Variants in ZNF385D observed in about 807,000 individuals in gnomAD.
ZNF385D encodes zinc finger protein 659.
In ZNF385D, 15 loss-of-function variants were observed where a neutral mutation model predicts 35.8. That is an observed-to-expected ratio of 0.42 (90% CI 0.28 to 0.64). The LOEUF is 0.64. ZNF385D is among the 30% of genes least tolerant of loss of function. ZNF385D has a pLI of 0.23. For missense variants in ZNF385D, 474 were observed against 494.6 expected, an observed-to-expected ratio of 0.96 and a Z score of 0.39; for synonymous variants, 212 against 186.8, an observed-to-expected ratio of 1.13 and a Z score of -1.10.
At chr3:21,807,449 C>A (rs1023623125) in intron 3 of ZNF385D, among the ~76,000 whole-genome samples, 1 of 151,980 alleles carries the variant, frequency 6.6e-6, no homozygotes, top group Non-Finnish European at 1.5e-5. Context: ...TGATTTGACT[C>A]GCCAAGTTTA....
chr3:21,977,586 T>G (rs1162279063), intron 3 of ZNF385D, among the ~76,000 whole-genome samples: 5 of 152,006 alleles, frequency 3.3e-5, no homozygotes, highest in African/African-American at 1.2e-4. Flanking sequence ...TTGGAGGCCA[T>G]AGTGGGAAGA....
chr3:21,804,198 A>T (rs2072533385), intron 3 of ZNF385D, among the ~76,000 whole-genome samples: 1 of 152,238 alleles, frequency 6.6e-6, no homozygotes, highest in African/African-American at 2.4e-5. Context: ...AACATATTTT[A>T]TGTGGTTGTT....
intron 3 of ZNF385D, among the ~76,000 whole-genome samples, chr3:22,085,917 T>A (rs1047176102): frequency 1.9e-4 from 29 of 152,272 alleles, no homozygotes; most frequent in Middle Eastern, 6.8e-3. Flanking sequence ...AATCAATAAA[T>A]GAAATCCATC....
intron 3 of ZNF385D, among the ~76,000 whole-genome samples, chr3:22,118,077 C>G: frequency 6.6e-6 from 1 of 152,070 alleles, no homozygotes; most frequent in Non-Finnish European, 1.5e-5. Context: ...TGCAGAATAT[C>G]GCTTTTATGA....
At chr3:22,290,552 G>A (rs961841753) in intron 2 of ZNF385D, among the ~76,000 whole-genome samples, 1 of 152,134 alleles carries the variant, frequency 6.6e-6, no homozygotes, top group Non-Finnish European at 1.5e-5. Flanking sequence ...CGGATGCCCA[G>A]GGCAGTGGCA....
chr3:22,068,228 A>G (rs1440756139), intron 3 of ZNF385D, among the ~76,000 whole-genome samples: 2 of 152,190 alleles, frequency 1.3e-5, no homozygotes, highest in African/African-American at 4.8e-5. Context: ...CAGTTGTACT[A>G]TCACTAGACA....
intron 2 of ZNF385D, among the ~76,000 whole-genome samples, chr3:22,286,799 G>T (rs1300773212): frequency 6.6e-6 from 1 of 152,014 alleles, no homozygotes; most frequent in Non-Finnish European, 1.5e-5. Context: ...CTTAACATAT[G>T]ATCTTTTCTG....
chr3:21,774,089 T>C (rs1169689326), intron 3 of ZNF385D, among the ~76,000 whole-genome samples: 3 of 151,938 alleles, frequency 2.0e-5, no homozygotes, highest in Non-Finnish European at 4.4e-5. Context: ...CTATACAGCC[T>C]TAAAAAGGAA....
chr3:21,645,714 C>T (rs1040491904), intron 2 of ZNF385D, among the ~76,000 whole-genome samples: 11 of 152,144 alleles, frequency 7.2e-5, no homozygotes, highest in Non-Finnish European at 1.5e-4. Context: ...TTCCTGCCAA[C>T]AGTCCCTGTG....
intron 2 of ZNF385D, among the ~76,000 whole-genome samples, chr3:22,215,972 A>G (rs896599953): frequency 6.6e-6 from 1 of 151,998 alleles, no homozygotes; most frequent in African/African-American, 2.4e-5. Context: ...TTCGTCCAAC[A>G]TCTGGCTGAA....
chr3:21,518,117 C>T (rs1707691052), intron 3 of ZNF385D, among the ~76,000 whole-genome samples: 1 of 152,156 alleles, frequency 6.6e-6, no homozygotes, highest in Non-Finnish European at 1.5e-5. Flanking sequence ...TTTCTTTTGG[C>T]ACTTCTTGCT....
At chr3:22,215,946 A>G (rs910384432) in intron 2 of ZNF385D, among the ~76,000 whole-genome samples, 37 of 151,956 alleles carry the variant, frequency 2.4e-4, no homozygotes, top group African/African-American at 8.0e-4. Context: ...ACGTATGTGA[A>G]ATATCGGGGG....
intron 3 of ZNF385D, among the ~76,000 whole-genome samples, chr3:21,814,524 G>C (rs1279481093): frequency 6.6e-6 from 1 of 152,120 alleles, no homozygotes; most frequent in East Asian, 1.9e-4. Flanking sequence ...AAAAGCAGGG[G>C]TGGCAATCCT....
intron 3 of ZNF385D, chr3:21,979,792 G>C (rs1694316519): frequency 2.0e-5 from 3 of 150,268 alleles, no homozygotes; most frequent in South Asian, 2.1e-4. Context: ...AAAAATATGG[G>C]TCTTGCCTTC....
At chr3:22,371,226 TC>T (rs1696890026) in intron 2 of ZNF385D, among the ~76,000 whole-genome samples, 1 of 152,114 alleles carries the variant, frequency 6.6e-6, no homozygotes, top group East Asian at 1.9e-4. Flanking sequence ...GGAAGACCTT[TC>T]CAGTAGGTTT....
chr3:21,681,856 C>T (rs1447951183), intron 1 of ZNF385D, among the ~76,000 whole-genome samples: 1 of 151,842 alleles, frequency 6.6e-6, no homozygotes, highest in Non-Finnish European at 1.5e-5. Flanking sequence ...TTTACTGATC[C>T]ATTGGCTCAG....
intron 3 of ZNF385D, among the ~76,000 whole-genome samples, chr3:21,858,122 A>G (rs1177674258): frequency 6.7e-6 from 1 of 149,418 alleles, no homozygotes; most frequent in Admixed American, 6.7e-5. Context: ...AGATGGTGCT[A>G]CTGCACTCAT....
At chr3:21,783,373 C>A (rs1169227203) in intron 3 of ZNF385D, among the ~76,000 whole-genome samples, 3 of 152,016 alleles carry the variant, frequency 2.0e-5, no homozygotes, top group Non-Finnish European at 4.4e-5. Context: ...AAAAGGAGAG[C>A]CAGAGTAGAG....
At chr3:22,339,058 T>C (rs1695304805) in intron 2 of ZNF385D, among the ~76,000 whole-genome samples, 1 of 152,140 alleles carries the variant, frequency 6.6e-6, no homozygotes. Flanking sequence ...TATAGAGAGA[T>C]GATAGGCACA....
Sources: gnomAD v4.1 joint callset for allele counts (sites outside exome capture counted in the v4.1 genomes callset) on GRCh38, gnomAD v4.1.1 for gene constraint, MANE v1.5 for transcripts, NCBI Gene and HGNC (gene_info 2026-07-23, HGNC 2026-07-21) for gene names.